The following DCDC1 variants were observed in gnomAD, a reference collection of about 807,000 sequenced individuals.
DCDC1 encodes doublecortin domain containing 1.
Under a neutral mutation model 178.3 loss-of-function variants are expected in DCDC1, and 200 were observed. That is an observed-to-expected ratio of 1.12 (90% CI 1.00 to 1.26). The LOEUF (loss-of-function observed/expected upper bound fraction) is 1.26. DCDC1 is among the 50% of genes most tolerant of loss of function. The pLI, the probability that DCDC1 is intolerant of heterozygous loss-of-function variation, is 0.00. For missense variants in DCDC1, 1,983 were observed against 1,749.2 expected, an observed-to-expected ratio of 1.13 and a Z score of -2.38; for synonymous variants, 690 against 604.8, an observed-to-expected ratio of 1.14 and a Z score of -2.07.
intron 1 of DCDC1, among the ~76,000 whole-genome samples, chr11:31,337,743 T>C (rs546791696): frequency 1.6e-4 from 25 of 152,278 alleles, no homozygotes; most frequent in African/African-American, 6.0e-4. Context: ...CCAAGCTTAT[T>C]GTGTTAGGTG....
chr11:31,055,100 T>C (rs759355856), intron 20 of DCDC1, among the ~76,000 whole-genome samples: 11 of 151,834 alleles, frequency 7.2e-5, no homozygotes, highest in Non-Finnish European at 1.3e-4. Flanking sequence ...TGACAAAAGA[T>C]TAATATCCAG....
At chr11:31,315,301 A>C in intron 3 of DCDC1, among the ~76,000 whole-genome samples, 1 of 126,476 alleles carries the variant, frequency 7.9e-6, no homozygotes, top group Non-Finnish European at 1.6e-5. Context: ...TCCTATTTGC[A>C]TACCCTTTTT....
intron 20 of DCDC1, among the ~76,000 whole-genome samples, chr11:31,028,894 G>T (rs935561851): frequency 6.8e-6 from 1 of 147,474 alleles, no homozygotes; most frequent in Non-Finnish European, 1.5e-5. Context: ...AGTATATTTT[G>T]TTCATAGCAC....
intron 9 of DCDC1, among the ~76,000 whole-genome samples, chr11:31,207,044 T>C (rs1034067453): frequency 6.6e-6 from 1 of 152,222 alleles, no homozygotes; most frequent in African/African-American, 2.4e-5. Flanking sequence ...AAAGATTTAG[T>C]ACTACATATT....
Position 31,046,615 on chromosome 11 carries a change from G to GA in DCDC1, c.2591+17853dup, listed in dbSNP as rs4067329. ...TCAAAGTGTTCACTGGCCTCAGTAA[G>GA]AAAAAAAAAAAGCCATATGTGCAAT... On this transcript the variant is annotated intron_variant, in intron 20 of 38. Coordinates refer to ENST00000684477, the MANE Select transcript of DCDC1 (RefSeq NM_001387274.1). Among the ~76,000 whole-genome samples the GA allele has an allele frequency of 5.7e-3, 798 of 140,430 alleles. 5 individuals carry two copies. Among genetic ancestry groups the GA allele is most frequent in the African/African-American group, 0.014 (558 of 38,780 alleles). 92.1% of individuals were successfully genotyped at this position (140,430 alleles called of 152,430 possible). A position where few individuals can be genotyped will look rare whatever the true frequency, so the allele number is the denominator to read the frequency against.
Position 30,864,960 on chromosome 11 carries a change from T to A in DCDC1, c.*413A>T, listed in dbSNP as rs1178605786. On this transcript the variant is annotated 3_prime_UTR_variant, in exon 39 of 39. Coordinates refer to ENST00000684477, the MANE Select transcript of DCDC1 (RefSeq NM_001387274.1). ...TGAGTTATTTTGAAGGATAAATTTA[T>A]TTTTTATTTTTTATTTTTTGCAGAG... 1 of 148,986 alleles carries A rather than the reference T, an allele frequency of 6.7e-6. No individual in the cohort carries two copies. The highest frequency in any genetic ancestry group is 1.5e-5 in the Non-Finnish European group (1 of 66,154). 9.2% of individuals were successfully genotyped at this position (148,986 alleles called of 1,614,324 possible).
At chr11:31,111,153 T>G (rs1959168174) in intron 11 of DCDC1, among the ~76,000 whole-genome samples, 1 of 152,156 alleles carries the variant, frequency 6.6e-6, no homozygotes, top group Non-Finnish European at 1.5e-5. Flanking sequence ...GATGAATAAT[T>G]TAAATCCCTG....
At chr11:31,135,186 T>C (rs958186313) in intron 10 of DCDC1, among the ~76,000 whole-genome samples, 26 of 152,168 alleles carry the variant, frequency 1.7e-4, no homozygotes, top group African/African-American at 5.8e-4. Context: ...GATGTTTAAT[T>C]TGGGTTTTGA....
chr11:30,878,469 G>A (rs2133960182), intron 38 of DCDC1, 75 bp downstream of exon 38: 1 of 1,273,932 alleles, frequency 7.8e-7, no homozygotes, highest in Non-Finnish European at 1.0e-6. Flanking sequence ...AGAAAGAGGG[G>A]GGAACTGCAT....
At chr11:30,931,976 A>T (rs759379253) in intron 21 of DCDC1, 24 bp from the exon 22 acceptor site, 30 of 1,584,562 alleles carry the variant, frequency 1.9e-5, no homozygotes, top group Admixed American at 3.7e-5. Flanking sequence ...TGACAAAAAC[A>T]TAATAATAAA....
chr11:30,906,284 G>A (rs1343114361), intron 30 of DCDC1: 2 of 377,504 alleles, frequency 5.3e-6, no homozygotes, highest in Non-Finnish European at 9.6e-6. Context: ...TGAGAACAGT[G>A]AAATATGTCA....
chr11:31,140,958 A>T (rs1027591282), intron 9 of DCDC1, among the ~76,000 whole-genome samples: 1 of 152,164 alleles, frequency 6.6e-6, no homozygotes, highest in African/African-American at 2.4e-5. Context: ...GCCCCTTGTG[A>T]CCATAATTAA....
At chr11:31,032,379 A>G (rs1953709015) in intron 20 of DCDC1, among the ~76,000 whole-genome samples, 1 of 152,272 alleles carries the variant, frequency 6.6e-6, no homozygotes, top group Admixed American at 6.5e-5. Flanking sequence ...GGAATATTGT[A>G]TTTCCTAATG....
chr11:31,251,750 A>G (rs1325963181), intron 8 of DCDC1, among the ~76,000 whole-genome samples: 1 of 152,130 alleles, frequency 6.6e-6, no homozygotes, highest in Non-Finnish European at 1.5e-5. Context: ...CAGAAGTAAT[A>G]TTTAAATAAA....
chr11:30,990,389 C>T (rs775132989), intron 20 of DCDC1, among the ~76,000 whole-genome samples: 3 of 152,174 alleles, frequency 2.0e-5, no homozygotes, highest in Non-Finnish European at 4.4e-5. Context: ...GTTAGGGATG[C>T]ACCGGAAGAT....
At chr11:30,937,250 G>A (rs1212197804) in intron 21 of DCDC1, among the ~76,000 whole-genome samples, 1 of 152,040 alleles carries the variant, frequency 6.6e-6, no homozygotes, top group Non-Finnish European at 1.5e-5. Flanking sequence ...TTTTCCCTTA[G>A]AGAGTTCTGT....
At chr11:31,092,457 A>G (rs939788484) in intron 16 of DCDC1, among the ~76,000 whole-genome samples, 1 of 152,218 alleles carries the variant, frequency 6.6e-6, no homozygotes, top group Non-Finnish European at 1.5e-5. Context: ...ACCATGCTTG[A>G]ACATCACATA....
intron 20 of DCDC1, among the ~76,000 whole-genome samples, chr11:30,997,753 G>C (rs1951348121): frequency 6.6e-6 from 1 of 152,036 alleles, no homozygotes; most frequent in Admixed American, 6.6e-5. Context: ...CATGGTGCTG[G>C]ATTACAATCA....
At chr11:31,013,015 C>T (rs1012052697) in intron 20 of DCDC1, among the ~76,000 whole-genome samples, 1 of 152,064 alleles carries the variant, frequency 6.6e-6, no homozygotes, top group Non-Finnish European at 1.5e-5. Flanking sequence ...CAATGTAAAG[C>T]CAATATGTCA....
Sources: allele counts gnomAD v4.1 joint callset (sites outside exome capture counted in the v4.1 genomes callset), GRCh38; gene constraint gnomAD v4.1.1; transcripts MANE v1.5; gene names NCBI Gene and HGNC (gene_info 2026-07-23, HGNC 2026-07-21).